The following DNAJC3 variants were observed in gnomAD, a reference collection of about 807,000 sequenced individuals.
The protein encoded by DNAJC3 is dnaJ homolog subfamily C member 3.
DNAJC3 carries 38 observed loss-of-function variants against 68.6 expected under a neutral mutation model. That is an observed-to-expected ratio of 0.55 (90% CI 0.43 to 0.73). DNAJC3 has a LOEUF of 0.73. Ranked by LOEUF, DNAJC3 falls within the 30% of genes least tolerant of loss-of-function variation. DNAJC3 has a pLI of 0.00. For synonymous variants in DNAJC3, 203 were observed against 204.0 expected (o/e 1.00, Z 0.04); for missense variants, 526 against 591.9 (o/e 0.89, Z 1.16).
chr13:95,716,084 G>A (rs939143490), intron 2 of DNAJC3, among the ~76,000 whole-genome samples: 36 of 152,060 alleles, frequency 2.4e-4, no homozygotes, highest in Admixed American at 4.6e-4. Context: ...CTTGAACCTG[G>A]GAGGTGGAGG....
chr13:95,737,409 C>A (rs1380036827), intron 4 of DNAJC3, among the ~76,000 whole-genome samples: 3 of 151,692 alleles, frequency 2.0e-5, no homozygotes, highest in African/African-American at 7.3e-5. Context: ...CCAGTTCCTC[C>A]TTGTACCTCT....
At chr13:95,750,262 CAA>C (rs1204619522) in intron 4 of DNAJC3, among the ~76,000 whole-genome samples, 2,513 of 65,706 alleles carry the variant, frequency 0.038, 96 homozygotes, top group African/African-American at 0.12. Flanking sequence ...GACCCTGTCT[CAA>C]AAAAAAAAAA....
intron 4 of DNAJC3, among the ~76,000 whole-genome samples, chr13:95,756,012 G>A (rs1403779303): frequency 1.3e-5 from 2 of 152,000 alleles, no homozygotes; most frequent in Non-Finnish European, 2.9e-5. Flanking sequence ...CCTCTGTCCC[G>A]AGATTTAGGG....
At chr13:95,697,835 C>T (rs1454259417) in intron 1 of DNAJC3, among the ~76,000 whole-genome samples, 1 of 131,672 alleles carries the variant, frequency 7.6e-6, no homozygotes, top group Non-Finnish European at 1.6e-5. Context: ...CCTTCATTTC[C>T]TAGATTGCTT....
chr13:95,779,155 C>A (rs1317274728), intron 9 of DNAJC3, among the ~76,000 whole-genome samples: 1 of 116,802 alleles, frequency 8.6e-6, no homozygotes, highest in African/African-American at 3.4e-5. Flanking sequence ...GACGGAGTCT[C>A]ACTCTGTCGC....
At chr13:95,784,556 C>T (rs1239933430) in intron 9 of DNAJC3, among the ~76,000 whole-genome samples, 1 of 152,144 alleles carries the variant, frequency 6.6e-6, no homozygotes, top group Non-Finnish European at 1.5e-5. Flanking sequence ...AGTCACTAGA[C>T]ACGTTCTGTC....
intron 1 of DNAJC3, among the ~76,000 whole-genome samples, chr13:95,708,471 C>T (rs1446070394): frequency 2.0e-5 from 3 of 152,148 alleles, no homozygotes. Context: ...CCATCCAGGC[C>T]TTTCTCCTGT....
chr13:95,770,880 A>G (rs747569280), intron 9 of DNAJC3, among the ~76,000 whole-genome samples: 7 of 152,222 alleles, frequency 4.6e-5, no homozygotes, highest in Non-Finnish European at 8.8e-5. Context: ...AAAACGTAGT[A>G]GTAGGAAATT....
chr13:95,705,226 C>T (rs761670740), intron 1 of DNAJC3, among the ~76,000 whole-genome samples: 6 of 152,132 alleles, frequency 3.9e-5, no homozygotes, highest in Non-Finnish European at 7.3e-5. Flanking sequence ...GTCCATTGCA[C>T]AAGCTTAGAT....
chr13:95,737,366 C>G (rs1412382791), intron 4 of DNAJC3, among the ~76,000 whole-genome samples: 1 of 151,992 alleles, frequency 6.6e-6, no homozygotes. Flanking sequence ...CCCTCTTTTT[C>G]TATTGATTGG....
intron 2 of DNAJC3, among the ~76,000 whole-genome samples, chr13:95,722,243 T>A (rs1173405846): frequency 6.6e-6 from 1 of 152,224 alleles, no homozygotes; most frequent in East Asian, 1.9e-4. Context: ...CTCTAGCCCC[T>A]TTCTCTAGTC....
chr13:95,731,931 G>T (rs1881730298), intron 4 of DNAJC3, among the ~76,000 whole-genome samples: 1 of 147,672 alleles, frequency 6.8e-6, no homozygotes, highest in Admixed American at 6.8e-5. Context: ...TTTGAGACTG[G>T]GTCGCACTTT....
intron 9 of DNAJC3, among the ~76,000 whole-genome samples, chr13:95,779,359 C>T (rs1883384043): frequency 2.0e-5 from 3 of 151,984 alleles, no homozygotes; most frequent in East Asian, 3.9e-4. Context: ...CTCCTGACCT[C>T]GTGATCTGCC....
chr13:95,727,591 A>G (rs1334656081), intron 4 of DNAJC3, among the ~76,000 whole-genome samples: 1 of 152,220 alleles, frequency 6.6e-6, no homozygotes, highest in Non-Finnish European at 1.5e-5. Flanking sequence ...AAGAAATAAT[A>G]CAAATAGATG....
intron 11 of DNAJC3, among the ~76,000 whole-genome samples, chr13:95,788,256 C>T (rs759844143): frequency 2.9e-4 from 44 of 152,194 alleles, no homozygotes; most frequent in Non-Finnish European, 5.4e-4. Flanking sequence ...TGGCTACAAC[C>T]TGCCTTAAGC....
chr13:95,688,321 A>C (rs1032249410), intron 1 of DNAJC3, among the ~76,000 whole-genome samples: 7 of 148,074 alleles, frequency 4.7e-5, no homozygotes, highest in African/African-American at 1.8e-4. Flanking sequence ...GGCAAATAGG[A>C]GTGGTGAGAA....
chr13:95,714,058 T>C (rs904960356), intron 2 of DNAJC3, among the ~76,000 whole-genome samples: 1 of 152,194 alleles, frequency 6.6e-6, no homozygotes, highest in Non-Finnish European at 1.5e-5. Flanking sequence ...TATGAAGGTA[T>C]TAGAAAAATA....
At chr13:95,734,273 T>G (rs769803854) in intron 4 of DNAJC3, among the ~76,000 whole-genome samples, 16 of 152,250 alleles carry the variant, frequency 1.1e-4, no homozygotes, top group Admixed American at 2.6e-4. Flanking sequence ...CCTTCATTTA[T>G]GAAGGATAAC....
intron 3 of DNAJC3, among the ~76,000 whole-genome samples, chr13:95,724,332 A>G (rs920806074): frequency 1.3e-5 from 2 of 152,164 alleles, no homozygotes; most frequent in Admixed American, 6.5e-5. Context: ...GTTAAGTGGA[A>G]TATTAATGTG....
Sources: gnomAD v4.1 joint callset for allele counts (sites outside exome capture counted in the v4.1 genomes callset) on GRCh38, gnomAD v4.1.1 for gene constraint, MANE v1.5 for transcripts, NCBI Gene and HGNC (gene_info 2026-07-23, HGNC 2026-07-21) for gene names.